The following IFT81 variants were observed in gnomAD, a reference collection of about 807,000 sequenced individuals.
IFT81 encodes intraflagellar transport 81, also known as intraflagellar transport protein 81 homolog.
A neutral mutation model predicts 102.6 loss-of-function variants in IFT81; 72 were observed. That is an observed-to-expected ratio of 0.70 (90% CI 0.58 to 0.85). The LOEUF is 0.85. IFT81 is among the 40% of genes least tolerant of loss of function. IFT81 has a pLI of 0.00. For missense variants in IFT81, 723 were observed against 787.3 expected (o/e 0.92, Z 0.98); for synonymous variants, 237 against 242.7 (o/e 0.98, Z 0.22).
At chr12:110,194,477 G>A (rs1897922792) in intron 14 of IFT81, among the ~76,000 whole-genome samples, 1 of 151,740 alleles carries the variant, frequency 6.6e-6, no homozygotes, top group Non-Finnish European at 1.5e-5. Context: ...GGGGTCTGCT[G>A]TTGCCAGGCT....
intron 12 of IFT81, among the ~76,000 whole-genome samples, chr12:110,184,556 A>G (rs774068357): frequency 1.2e-4 from 18 of 152,344 alleles, no homozygotes; most frequent in Middle Eastern, 3.4e-3. Flanking sequence ...AGATGGGATT[A>G]CATGTACAAA....
chr12:110,127,227 C>A, intron 1 of IFT81, 133 bp from the exon 2 acceptor site: 1 of 862,076 alleles, frequency 1.2e-6, no homozygotes, highest in Non-Finnish European at 1.6e-6. Context: ...ACAAAATAAC[C>A]CTTTTCACAG....
intron 10 of IFT81, among the ~76,000 whole-genome samples, chr12:110,158,574 C>G (rs1454677332): frequency 6.7e-6 from 1 of 150,362 alleles, no homozygotes; most frequent in African/African-American, 2.4e-5. Context: ...TTTATTGTTT[C>G]TTTGTATGCT....
intron 12 of IFT81, among the ~76,000 whole-genome samples, chr12:110,183,465 G>T (rs1897391772): frequency 6.6e-6 from 1 of 152,172 alleles, no homozygotes; most frequent in African/African-American, 2.4e-5. Flanking sequence ...ATGAGAGAGA[G>T]CCCATGCTAT....
rs759254175 is a variant in IFT81 at position 110,190,899 on chromosome 12, CT to C, written c.1339-16del. ...GCAAGATTTTGACATGTTTTGTGGCCTTTTTATTTTTTACTTATAGCAAACT... is the reference window on the plus strand; with the variant it reads ...GCAAGATTTTGACATGTTTTGTGGCCTTTTATTTTTTACTTATAGCAAACT... On this transcript the variant is annotated intron_variant, in intron 12 of 18. Coordinates refer to ENST00000242591, the MANE Select transcript of IFT81 (RefSeq NM_014055.4). 7.2e-5 allele frequency: 107 copies of C among 1,481,526 alleles called. No homozygotes were observed. The highest frequency in any genetic ancestry group is 9.4e-5 in the Non-Finnish European group (105 of 1,117,964). 91.8% of individuals were successfully genotyped at this position (1,481,526 alleles called of 1,614,324 possible).
chr12:110,191,166 A>AT, intron 13 of IFT81, 118 bp downstream of exon 13: 1 of 871,688 alleles, frequency 1.1e-6, no homozygotes, highest in South Asian at 2.2e-5. Context: ...ACATTCTTTC[A>AT]TCTTTTTTTT....
intron 10 of IFT81, among the ~76,000 whole-genome samples, chr12:110,162,082 A>T (rs2137436642): frequency 6.6e-6 from 1 of 152,222 alleles, no homozygotes; most frequent in Admixed American, 6.5e-5. Context: ...TTGATTTTGA[A>T]CCTGCATTTT....
At chr12:110,207,808 C>A (rs377358223) in intron 17 of IFT81, among the ~76,000 whole-genome samples, 4 of 151,926 alleles carry the variant, frequency 2.6e-5, no homozygotes, top group Non-Finnish European at 5.9e-5. Flanking sequence ...CGTGAGCCAC[C>A]GCGCCCAGCC....
At chr12:110,142,042 A>G (rs1464146817) in intron 8 of IFT81, among the ~76,000 whole-genome samples, 6 of 152,230 alleles carry the variant, frequency 3.9e-5, no homozygotes, top group Non-Finnish European at 8.8e-5. Flanking sequence ...AAATAAGAAA[A>G]CTAAAATCTT....
intron 13 of IFT81, among the ~76,000 whole-genome samples, chr12:110,192,031 C>T (rs1001970917): frequency 3.3e-5 from 5 of 151,948 alleles, no homozygotes; most frequent in African/African-American, 7.3e-5. Context: ...ATCAGCCGGG[C>T]GTGGTGTCGC....
intron 1 of IFT81, among the ~76,000 whole-genome samples, chr12:110,126,226 C>T (rs1348825398): frequency 6.9e-5 from 10 of 145,924 alleles, no homozygotes; most frequent in Non-Finnish European, 4.5e-5. Flanking sequence ...TGCAGTGAGC[C>T]AAGATCGCGC....
At chr12:110,144,658 G>T (rs962965789) in intron 9 of IFT81, among the ~76,000 whole-genome samples, 3 of 151,376 alleles carry the variant, frequency 2.0e-5, no homozygotes, top group African/African-American at 7.3e-5. Flanking sequence ...CTACAGATAT[G>T]TGCCACCATG....
intron 12 of IFT81, among the ~76,000 whole-genome samples, chr12:110,182,226 T>A (rs1277097899): frequency 6.6e-6 from 1 of 152,174 alleles, no homozygotes; most frequent in African/African-American, 2.4e-5. Context: ...GATCTACTTG[T>A]TTGTCACATT....
chr12:110,141,575 C>T (rs772879522), intron 8 of IFT81, among the ~76,000 whole-genome samples: 6 of 152,026 alleles, frequency 3.9e-5, no homozygotes, highest in South Asian at 2.1e-4. Flanking sequence ...ACCAGAAAGC[C>T]CATGTGTTAA....
At chr12:110,178,959 A>G (rs1386755846) in intron 11 of IFT81, among the ~76,000 whole-genome samples, 3 of 151,604 alleles carry the variant, frequency 2.0e-5, no homozygotes, top group Admixed American at 1.3e-4. Flanking sequence ...TGCTCTTCCA[A>G]ACTCTAGTTG....
chr12:110,134,731 C>T (rs1021392935), intron 5 of IFT81, among the ~76,000 whole-genome samples: 1 of 152,106 alleles, frequency 6.6e-6, no homozygotes, highest in Non-Finnish European at 1.5e-5. Context: ...GTTTTTGTTG[C>T]ATTTCTGGAT....
chr12:110,138,622 G>A (rs1253080779), intron 8 of IFT81, among the ~76,000 whole-genome samples: 2 of 151,998 alleles, frequency 1.3e-5, no homozygotes, highest in African/African-American at 2.4e-5. Flanking sequence ...TAGTAGAGAC[G>A]GGGTTTCTCC....
chr12:110,206,388 T>C (rs1335941448), intron 17 of IFT81, among the ~76,000 whole-genome samples: 1 of 152,238 alleles, frequency 6.6e-6, no homozygotes, highest in Admixed American at 6.5e-5. Context: ...ACATAAGCCT[T>C]CTTTGCTCCT....
chr12:110,207,828 A>T (rs981700039), intron 17 of IFT81, among the ~76,000 whole-genome samples: 1 of 151,970 alleles, frequency 6.6e-6, no homozygotes, highest in African/African-American at 2.4e-5. Context: ...CCCAGCCTTC[A>T]GTCTTTATCC....
Sources: allele counts gnomAD v4.1 joint callset (sites outside exome capture counted in the v4.1 genomes callset), GRCh38; gene constraint gnomAD v4.1.1; transcripts MANE v1.5; gene names NCBI Gene and HGNC (gene_info 2026-07-23, HGNC 2026-07-21).